The following AGBL4 variants were observed in gnomAD, a reference collection of about 807,000 sequenced individuals.
AGBL4 encodes the protein AGBL carboxypeptidase 4, also known as cytosolic carboxypeptidase 6.
A neutral mutation model predicts 66.4 loss-of-function variants in AGBL4; 58 were observed. The observed-to-expected ratio is 0.87, with a 90% CI of 0.71 to 1.09. AGBL4 has a LOEUF of 1.09. AGBL4 is among the 50% of genes least tolerant of loss of function. The pLI is 0.00. For missense variants in AGBL4, 579 were observed against 631.0 expected (o/e 0.92, Z 0.88); for synonymous variants, 234 against 222.9 (o/e 1.05, Z -0.44).
intron 3 of AGBL4, among the ~76,000 whole-genome samples, chr1:49,690,427 A>G (rs1209236522): frequency 2.0e-5 from 3 of 152,076 alleles, no homozygotes; most frequent in Non-Finnish European, 4.4e-5. Context: ...ATATTTTCCA[A>G]ATTTACTACA....
chr1:48,897,934 C>T lies in AGBL4; in HGVS notation c.595-30704G>A, dbSNP rs186150366. On this transcript the variant is annotated intron_variant, in intron 5 of 13. Transcript: ENST00000371839. ...AAGCGATTCTCCTGCCTCAGCCTCCCGACTAGCTGGGACTACAGGCACATG... is the reference window on the plus strand; with the variant it reads ...AAGCGATTCTCCTGCCTCAGCCTCCTGACTAGCTGGGACTACAGGCACATG... Among the ~76,000 whole-genome samples the T allele has an allele frequency of 9.0e-3, 1,362 of 151,714 alleles. 13 individuals carry two copies. Among genetic ancestry groups the T allele is most frequent in the Non-Finnish European group, 0.015 (1,027 of 67,938 alleles).
chr1:49,985,732 AT>A (rs899791759), intron 1 of AGBL4, among the ~76,000 whole-genome samples: 14 of 152,152 alleles, frequency 9.2e-5, no homozygotes, highest in Admixed American at 9.2e-4. Context: ...AGCTCTTTGA[AT>A]GTAATGACCC....
chr1:48,831,095 T>C (rs1054996802), intron 6 of AGBL4, among the ~76,000 whole-genome samples: 1 of 152,194 alleles, frequency 6.6e-6, no homozygotes, highest in Admixed American at 6.5e-5. Flanking sequence ...TGGGGCTCAG[T>C]AAAAGTCTCT....
chr1:49,111,359 G>T (rs894390316), intron 4 of AGBL4, among the ~76,000 whole-genome samples: 1 of 152,134 alleles, frequency 6.6e-6, no homozygotes, highest in Non-Finnish European at 1.5e-5. Flanking sequence ...TGATCCGCCC[G>T]CCTTGGCCTC....
intron 1 of AGBL4, among the ~76,000 whole-genome samples, chr1:49,862,329 T>C (rs1646593166): frequency 7.1e-6 from 1 of 140,426 alleles, no homozygotes; most frequent in African/African-American, 2.7e-5. Flanking sequence ...TGAAGACAGG[T>C]TATTTGATAA....
chr1:49,568,332 TA>T (rs1471080040), intron 3 of AGBL4, among the ~76,000 whole-genome samples: 1 of 152,116 alleles, frequency 6.6e-6, no homozygotes, highest in African/African-American at 2.4e-5. Context: ...AGCATTCTTA[TA>T]CACCAATAAC....
intron 3 of AGBL4, among the ~76,000 whole-genome samples, chr1:49,308,783 T>G (rs1644894317): frequency 6.6e-6 from 1 of 152,136 alleles, no homozygotes; most frequent in South Asian, 2.1e-4. Context: ...CAGCAAGTGA[T>G]GCAAGAGGCT....
At chr1:49,735,438 A>T (rs929424943) in intron 2 of AGBL4, among the ~76,000 whole-genome samples, 1 of 151,496 alleles carries the variant, frequency 6.6e-6, no homozygotes, top group African/African-American at 2.4e-5. Context: ...GAAAAAGGCA[A>T]GAAAATGTAT....
At chr1:49,913,345 T>C (rs1023963416) in intron 1 of AGBL4, among the ~76,000 whole-genome samples, 1 of 152,236 alleles carries the variant, frequency 6.6e-6, no homozygotes, top group Non-Finnish European at 1.5e-5. Context: ...GGTAACAATG[T>C]CCATGTAGGA....
At chr1:48,853,316 C>A (rs1041474856) in intron 6 of AGBL4, among the ~76,000 whole-genome samples, 4 of 152,180 alleles carry the variant, frequency 2.6e-5, no homozygotes, top group Admixed American at 2.0e-4. Context: ...TCATGAGAGA[C>A]CCCAAGCCAA....
chr1:48,658,034 C>T (rs559192048), intron 7 of AGBL4, among the ~76,000 whole-genome samples: 104 of 152,240 alleles, frequency 6.8e-4, no homozygotes, highest in African/African-American at 2.2e-3. Context: ...ATGAAGTGAG[C>T]AAATAAAGAT....
intron 3 of AGBL4, among the ~76,000 whole-genome samples, chr1:49,654,745 C>A (rs1010149337): frequency 1.3e-5 from 2 of 152,122 alleles, no homozygotes; most frequent in African/African-American, 2.4e-5. Flanking sequence ...AGGATTGCAA[C>A]CCCTGCCTTT....
chr1:49,230,544 C>A (rs925310424), intron 4 of AGBL4, among the ~76,000 whole-genome samples: 1 of 152,142 alleles, frequency 6.6e-6, no homozygotes, highest in African/African-American at 2.4e-5. Context: ...AAAACTCACC[C>A]TCTGCCTAGC....
Position 49,286,320 on chromosome 1 carries a change from T to G in AGBL4, c.283-40456A>C, listed in dbSNP as rs241464. Among the ~76,000 whole-genome samples, 60 of 150,648 alleles carry G rather than the reference T, an allele frequency of 4.0e-4. 1 individual carries two copies. The East Asian group carries it at 9.4e-3, about 24-fold the overall frequency. On this transcript the variant is annotated intron_variant, in intron 3 of 13. Transcript: ENST00000371839. ...CTGGCACAAGACAGGGATGCCCTCT[T>G]TCACCACTCCTATTCAACATAGTAT...
chr1:48,564,596 A>G (rs999549791), intron 11 of AGBL4, among the ~76,000 whole-genome samples: 1 of 152,154 alleles, frequency 6.6e-6, no homozygotes, highest in Non-Finnish European at 1.5e-5. Context: ...TCTTTGAATG[A>G]CTTCATCTCT....
chr1:49,757,320 G>A (rs930724841), intron 2 of AGBL4, among the ~76,000 whole-genome samples: 8 of 152,220 alleles, frequency 5.3e-5, no homozygotes, highest in Non-Finnish European at 8.8e-5. Flanking sequence ...GTATAGCAGT[G>A]TAAAAATGAA....
intron 3 of AGBL4, among the ~76,000 whole-genome samples, chr1:49,360,668 A>G (rs887473832): frequency 6.6e-6 from 1 of 152,344 alleles, no homozygotes; most frequent in Non-Finnish European, 1.5e-5. Flanking sequence ...TTCAATTCAG[A>G]GGAAAGCCCA....
intron 3 of AGBL4, among the ~76,000 whole-genome samples, chr1:49,285,397 A>G (rs949162792): frequency 5.9e-5 from 9 of 152,142 alleles, no homozygotes; most frequent in East Asian, 1.9e-4. Flanking sequence ...TTATAGCACT[A>G]AATGCCCACA....
intron 4 of AGBL4, among the ~76,000 whole-genome samples, chr1:49,164,706 C>A (rs1433702568): frequency 6.6e-6 from 1 of 152,084 alleles, no homozygotes. Flanking sequence ...TTTATTTTGT[C>A]ATCTGTTGCC....
Sources: allele counts gnomAD v4.1 joint callset (sites outside exome capture counted in the v4.1 genomes callset), GRCh38; gene constraint gnomAD v4.1.1; transcripts MANE v1.5; gene names NCBI Gene and HGNC (gene_info 2026-07-23, HGNC 2026-07-21).